Variants in CDH2 observed in about 807,000 individuals in gnomAD.
CDH2 encodes the protein cadherin-2.
Under a neutral mutation model 92.0 loss-of-function variants are expected in CDH2, and 17 were observed. That is an observed-to-expected ratio of 0.18 (90% CI 0.13 to 0.28). The LOEUF is 0.28. CDH2 is among the 10% of genes least tolerant of loss of function. The probability of loss-of-function intolerance (pLI) is 1.00; values close to 1 mark genes in which losing one functional copy is unlikely to be tolerated. For missense variants in CDH2, 862 were observed against 1,133.1 expected (o/e 0.76, Z 3.44); for synonymous variants, 419 against 415.9 (o/e 1.01, Z -0.09).
At chr18:27,948,484 A>C (rs1909330777), downstream of CDH2, among the ~76,000 whole-genome samples, 1 of 151,902 alleles carries the variant, frequency 6.6e-6, no homozygotes, top group Non-Finnish European at 1.5e-5. Flanking sequence ...TCAAAAATCT[A>C]GTCAAACATA....
chr18:28,111,098 C>T (rs1209602826), intron 2 of CDH2, among the ~76,000 whole-genome samples: 3 of 152,222 alleles, frequency 2.0e-5, no homozygotes, highest in Admixed American at 2.0e-4. Context: ...CTCCTATCGA[C>T]TCCCAAGCCC....
downstream of CDH2, among the ~76,000 whole-genome samples, chr18:27,950,697 C>A (rs534246008): frequency 2.6e-5 from 4 of 152,162 alleles, no homozygotes; most frequent in South Asian, 4.1e-4. Context: ...AGAATTAACA[C>A]CGAAGTTCAC....
chr18:28,160,300 G>A (rs1487507946), intron 1 of CDH2, among the ~76,000 whole-genome samples: 3 of 152,110 alleles, frequency 2.0e-5, no homozygotes, highest in South Asian at 2.1e-4. Context: ...GAAAGCTGCC[G>A]CAATTTGGCC....
intron 2 of CDH2, among the ~76,000 whole-genome samples, chr18:28,110,648 T>C (rs2015396063): frequency 6.6e-6 from 1 of 152,112 alleles, no homozygotes; most frequent in African/African-American, 2.4e-5. Context: ...AAAAGTAGAC[T>C]GAGGATTTCT....
At chr18:28,171,996 T>C (rs2016471377) in intron 1 of CDH2, among the ~76,000 whole-genome samples, 1 of 152,094 alleles carries the variant, frequency 6.6e-6, no homozygotes, top group Non-Finnish European at 1.5e-5. Flanking sequence ...CAATCAATTA[T>C]TGATTGACAC....
chr18:27,946,773 T>C (rs1186684696), downstream of CDH2, among the ~76,000 whole-genome samples: 3 of 151,972 alleles, frequency 2.0e-5, no homozygotes, highest in Non-Finnish European at 4.4e-5. Flanking sequence ...TATCAACCCA[T>C]TAAAAGAATA....
rs17446833 is a variant in CDH2, at chr18:28,143,394, AT to A, written c.172+4278del. 1.5e-4 allele frequency among the ~76,000 whole-genome samples: 23 copies of A among 151,606 alleles called. No homozygotes were observed. The South Asian group carries it at 1.7e-3, about 11-fold the overall frequency. ...TTCAAGAAATATGCTACCACAAGAGATTTTTTTTTCCTAGTCAGTGGAGTGT... is the reference window on the plus strand; with the variant it reads ...TTCAAGAAATATGCTACCACAAGAGATTTTTTTTCCTAGTCAGTGGAGTGT... On this transcript the variant is annotated intron_variant, in intron 2 of 15. Transcript: ENST00000269141.
At chr18:28,165,041 T>G (rs754574502) in intron 1 of CDH2, among the ~76,000 whole-genome samples, 2 of 152,242 alleles carry the variant, frequency 1.3e-5, no homozygotes, top group African/African-American at 4.8e-5. Context: ...AAGTCTTGCA[T>G]GCATTAAGTG....
intron 2 of CDH2, among the ~76,000 whole-genome samples, chr18:28,067,411 T>C (rs376206793): frequency 6.6e-6 from 1 of 152,094 alleles, no homozygotes; most frequent in South Asian, 2.1e-4. Context: ...CACCCAACCT[T>C]AGGCAACTAC....
In CDH2 at chr18:27,985,015, T is replaced by G; in HGVS notation, c.2194A>C (p.Ile732Leu). 6.2e-7 allele frequency: 1 copy of G among 1,613,072 alleles called. No homozygotes were observed. The highest frequency in any genetic ancestry group is 8.5e-7 in the Non-Finnish European group (1 of 1,179,020). Reference sequence around the variant, plus strand: ...AAGTACTCACTAAGCAGGATGATGATGCAGAGCAGGATGGCAATGATGGCA... The same window carrying G: ...AAGTACTCACTAAGCAGGATGATGAGGCAGAGCAGGATGGCAATGATGGCA... ...TGAIIAILLCIIILLILVLMF... is the reference protein window; with the variant it reads ...TGAIIAILLCLIILLILVLMF... Residue 732 changes from isoleucine to leucine, a missense_variant, in exon 13 of 16, where the codon ATC becomes CTC. Physicochemically the swap from Ile to Leu is conservative, Grantham distance 5. Transcript: ENST00000269141.
intron 6 of CDH2, among the ~76,000 whole-genome samples, chr18:27,943,734 C>A (rs779755279): frequency 2.6e-5 from 4 of 152,128 alleles, no homozygotes; most frequent in Admixed American, 6.5e-5. Context: ...TAGGGGTTTA[C>A]ACAAGACTGG....
chr18:27,963,373 C>T lies in CDH2; in HGVS notation c.2498G>A (p.Gly833Glu), dbSNP rs202236593. ...RSAAPHPGDI[G>E]DFINEGLKAA... Reference sequence around the variant, plus strand: ...TCTCTGTACCTCATTAATGAAGTCCCCAATGTCTCCAGGGTGTGGGGCTGC... The same window carrying T: ...TCTCTGTACCTCATTAATGAAGTCCTCAATGTCTCCAGGGTGTGGGGCTGC... The change falls in exon 15 of 16, where the codon GGG becomes GAG. Residue 833 changes from glycine to glutamate, a missense_variant. Physicochemically the swap from Gly to Glu is moderately conservative, Grantham distance 98 (BLOSUM62 -2). This residue lies in a region of CDH2 where 114 missense variants were observed against 144.8 expected (regional missense o/e 0.79). Transcript: ENST00000269141. 7.4e-6 allele frequency: 12 copies of T among 1,613,846 alleles called. No individual in the cohort carries two copies. The highest frequency in any genetic ancestry group is 1.0e-5 in the Non-Finnish European group (12 of 1,180,004).
chr18:28,147,584 A>G (rs2016055135), intron 2 of CDH2, 89 bp downstream of exon 2: 1 of 730,716 alleles, frequency 1.4e-6, no homozygotes. Flanking sequence ...TACTTGTTAT[A>G]CAGTAGAAAT....
intron 2 of CDH2, among the ~76,000 whole-genome samples, chr18:28,067,546 G>A (rs901351546): frequency 1.3e-5 from 2 of 152,172 alleles, no homozygotes; most frequent in Non-Finnish European, 2.9e-5. Flanking sequence ...CATCCATGTA[G>A]TAGATGTATC....
intron 7 of CDH2, among the ~76,000 whole-genome samples, chr18:28,000,555 TG>T (rs1383123021): frequency 2.6e-5 from 4 of 151,852 alleles, no homozygotes; most frequent in Admixed American, 2.0e-4. Flanking sequence ...AGTTCAAACC[TG>T]GGGGGAGCAG....
At chr18:28,026,122 C>T (rs917896134) in intron 2 of CDH2, among the ~76,000 whole-genome samples, 1 of 152,160 alleles carries the variant, frequency 6.6e-6, no homozygotes, top group African/African-American at 2.4e-5. Flanking sequence ...AAGCCAAATT[C>T]ATGTAGCCCT....
At chr18:27,980,187 C>T (rs537359937) in intron 14 of CDH2, among the ~76,000 whole-genome samples, 28 of 152,244 alleles carry the variant, frequency 1.8e-4, no homozygotes, top group African/African-American at 5.1e-4. Flanking sequence ...CTTAAGTCAC[C>T]GTGAGTCAAC....
chr18:28,110,601 G>A (rs1599108312), intron 2 of CDH2, among the ~76,000 whole-genome samples: 1 of 152,148 alleles, frequency 6.6e-6, no homozygotes, highest in Admixed American at 6.6e-5. Flanking sequence ...GGAGTCATGA[G>A]AAGTGGGATC....
intron 2 of CDH2, among the ~76,000 whole-genome samples, chr18:28,022,561 C>T (rs1229481373): frequency 1.3e-5 from 2 of 152,022 alleles, no homozygotes; most frequent in Admixed American, 6.6e-5. Context: ...GTATTTACCA[C>T]TTTTTCTCCA....
Sources: gnomAD v4.1 joint callset for allele counts (sites outside exome capture counted in the v4.1 genomes callset) on GRCh38, gnomAD v4.1.1 for gene constraint, gnomAD v4.1.1 regional missense constraint, MANE v1.5 for transcripts, NCBI Gene and HGNC (gene_info 2026-07-23, HGNC 2026-07-21) for gene names.